SCML4: variants seen among roughly 807,000 people sequenced by gnomAD.
SCML4 encodes the protein Scm polycomb group protein like 4.
Under a neutral mutation model 41.1 loss-of-function variants are expected in SCML4, and 34 were observed. The observed-to-expected ratio is 0.83, with a 90% CI of 0.63 to 1.10. The LOEUF is 1.10. Ranked by LOEUF, SCML4 falls within the 50% of genes least tolerant of loss-of-function variation. The pLI is 0.00. For missense variants in SCML4, 522 were observed against 534.1 expected, an observed-to-expected ratio of 0.98 and a Z score of 0.22; for synonymous variants, 214 against 220.9, an observed-to-expected ratio of 0.97 and a Z score of 0.28.
chr6:107,746,137 C>T (rs1583471932), intron 4 of SCML4: 1 of 152,764 alleles, frequency 6.5e-6, no homozygotes, highest in East Asian at 1.9e-4. Flanking sequence ...GTCATCTCTG[C>T]TAGAACAGAG....
rs368845820 is a variant in SCML4, at chr6:107,704,008, G to C, written c.*1192C>G. 1.7e-3 allele frequency: 259 copies of C among 152,316 alleles called. No individual in the cohort carries two copies. Among genetic ancestry groups the C allele is most frequent in the African/African-American group, 5.7e-3 (235 of 41,562 alleles). The allele number at this position is 152,316 out of a possible 1,614,324, so 9.4% of individuals were successfully genotyped here. The stretch of plus-strand genomic sequence containing the variant: ...CTAATAAATTGTGGATTCATTGTCC[G>C]TCTCTGGACACAGCTGCAAAGGAGC... On this transcript the variant is annotated 3_prime_UTR_variant, in exon 8 of 8. Coordinates refer to ENST00000369020, the MANE Select transcript of SCML4 (RefSeq NM_198081.5).
Position 107,792,730 on chromosome 6 carries a change from C to CAAAA in SCML4, c.-59-20348_-59-20345dup, listed in dbSNP as rs529040468. 3.7e-4 allele frequency among the ~76,000 whole-genome samples: 47 copies of CAAAA among 125,618 alleles called. 1 individual carries two copies. The highest frequency in any genetic ancestry group is 1.3e-3 in the African/African-American group (45 of 35,508). The allele number at this position is 125,618 out of a possible 152,430, so 82.4% of individuals were successfully genotyped here. ...CTGGTGACAGGGAGAGACTCTGTCT[C>CAAAA]AAAAAAAAAAAAAGATAAAAAGGAT... On this transcript the variant is annotated intron_variant, in intron 1 of 7. Coordinates refer to ENST00000369020, the MANE Select transcript of SCML4 (RefSeq NM_198081.5).
At chr6:107,751,572 ATCT>A (rs1397888384) in intron 2 of SCML4, among the ~76,000 whole-genome samples, 1 of 87,670 alleles carries the variant, frequency 1.1e-5, no homozygotes, top group Non-Finnish European at 2.3e-5. Context: ...CATTTTAACA[ATCT>A]TTCTTTCTTT....
chr6:107,789,532 C>T (rs2114611007), intron 1 of SCML4, among the ~76,000 whole-genome samples: 1 of 152,330 alleles, frequency 6.6e-6, no homozygotes, highest in African/African-American at 2.4e-5. Context: ...TCGCAGTCTC[C>T]CAGAATCGAG....
chr6:107,727,431 T>A (rs949442714), intron 5 of SCML4, among the ~76,000 whole-genome samples: 3 of 152,232 alleles, frequency 2.0e-5, no homozygotes, highest in South Asian at 2.1e-4. Flanking sequence ...AGTTTTTTTT[T>A]AAAAGGCGTT....
At chr6:107,752,248 G>A (rs905527395) in intron 2 of SCML4, among the ~76,000 whole-genome samples, 1 of 151,878 alleles carries the variant, frequency 6.6e-6, no homozygotes, top group Non-Finnish European at 1.5e-5. Flanking sequence ...AGAGTGGAGG[G>A]GGCTAGAGAA....
At position 107,703,003 on chromosome 6, in the gene SCML4, G is replaced by T. The variant is rs1303829611; in HGVS notation, c.*2197C>A. 1.3e-5 allele frequency among the ~76,000 whole-genome samples: 2 copies of T among 152,174 alleles called. No homozygotes were observed. The highest frequency in any genetic ancestry group is 2.9e-5 in the Non-Finnish European group (2 of 68,014). ...CCAAAACCAAGATGGCAACGAGAGT[G>T]ACCTCTGGTTGTCCTCGCTGCTATA... On this transcript the variant is annotated 3_prime_UTR_variant, in exon 8 of 8. Coordinates refer to ENST00000369020, the MANE Select transcript of SCML4 (RefSeq NM_198081.5).
rs995184696 is a variant in SCML4, at chr6:107,745,107, C to T, written c.524G>A (p.Ser175Asn). Residue 175 changes from serine to asparagine, a missense_variant, in exon 5 of 8, where the codon AGC becomes AAC. Physicochemically the swap from Ser to Asn is conservative, Grantham distance 46. Transcript: ENST00000369020. Reference protein sequence around the residue: ...ASFDGKQHLRSLPVVNSIGYV... With the variant: ...ASFDGKQHLRNLPVVNSIGYV... Reference sequence around the variant, plus strand: ...GCCGATGCTGTTCACCACAGGCAGGCTCCGCAGGTGCTGTTTGCCATCAAA... The same window carrying T: ...GCCGATGCTGTTCACCACAGGCAGGTTCCGCAGGTGCTGTTTGCCATCAAA... 1.2e-6 allele frequency: 2 copies of T among 1,603,244 alleles called. No individual in the cohort carries two copies. The highest frequency in any genetic ancestry group is 1.7e-5 in the Admixed American group (1 of 58,228).
intron 1 of SCML4, among the ~76,000 whole-genome samples, chr6:107,812,846 C>G (rs1048493176): frequency 2.9e-4 from 43 of 149,482 alleles, no homozygotes; most frequent in African/African-American, 1.0e-3. Context: ...ATTTGACCAA[C>G]TCCTTATAGT....
intron 1 of SCML4, among the ~76,000 whole-genome samples, chr6:107,785,286 T>C (rs889642107): frequency 6.6e-6 from 1 of 152,238 alleles, no homozygotes; most frequent in Non-Finnish European, 1.5e-5. Flanking sequence ...ACCAACTCCC[T>C]GTGTCCCTTG....
At chr6:107,705,893 A>T (rs550299627) in intron 7 of SCML4, among the ~76,000 whole-genome samples, 1 of 152,320 alleles carries the variant, frequency 6.6e-6, no homozygotes, top group Non-Finnish European at 1.5e-5. Flanking sequence ...AGAACTACTA[A>T]GAGGATGAGC....
In SCML4 at chr6:107,708,031, G is replaced by T; in HGVS notation, c.974-20C>A. ...TTGAGGCTGGATGGGGCACAGAGAG[G>T]GAGACCATGAGCCAGTGGGACAGGG... On this transcript the variant is annotated intron_variant, in intron 6 of 7. Transcript: ENST00000369020. 6.5e-7 allele frequency: 1 copy of T among 1,548,472 alleles called. No homozygotes were observed. The highest frequency in any genetic ancestry group is 1.2e-5 in the South Asian group (1 of 84,026).
chr6:107,797,494 ACTT>A (rs1782795933), intron 1 of SCML4, among the ~76,000 whole-genome samples: 3 of 152,194 alleles, frequency 2.0e-5, no homozygotes, highest in African/African-American at 7.2e-5. Context: ...CTAGTAAACT[ACTT>A]CTAAGTGACC....
At chr6:107,752,980 C>G (rs35455490) in intron 2 of SCML4, among the ~76,000 whole-genome samples, 3,706 of 152,132 alleles carry the variant, frequency 0.024, 153 homozygotes, top group African/African-American at 0.086. Flanking sequence ...GCATTAGGAT[C>G]AGTAAGTAAA....
the SCML4 span, among the ~76,000 whole-genome samples, chr6:107,842,876 G>A: frequency 3.3e-5 from 5 of 152,026 alleles, no homozygotes; most frequent in East Asian, 1.9e-4. Context: ...AGAGTTGACC[G>A]TTTTCTTATT....
At chr6:107,796,855 G>A (rs905236290) in intron 1 of SCML4, among the ~76,000 whole-genome samples, 2 of 152,080 alleles carry the variant, frequency 1.3e-5, no homozygotes, top group African/African-American at 2.4e-5. Context: ...TATTGTGTAT[G>A]ATGTGAGATA....
intron 6 of SCML4, among the ~76,000 whole-genome samples, chr6:107,714,788 CT>C (rs1774585974): frequency 6.6e-6 from 1 of 151,960 alleles, no homozygotes; most frequent in Admixed American, 6.6e-5. Flanking sequence ...AGTTGCTGTT[CT>C]TCTTATTATG....
the SCML4 span, among the ~76,000 whole-genome samples, chr6:107,841,100 A>G: frequency 6.6e-6 from 1 of 152,014 alleles, no homozygotes; most frequent in Non-Finnish European, 1.5e-5. Flanking sequence ...ATTGCATCAT[A>G]CAATATAAAA....
intron 1 of SCML4, among the ~76,000 whole-genome samples, chr6:107,819,347 G>A (rs1364474293): frequency 6.6e-6 from 1 of 152,194 alleles, no homozygotes; most frequent in African/African-American, 2.4e-5. Flanking sequence ...GATCAGCACA[G>A]GGAGAGGAAA....
Sources: allele counts gnomAD v4.1 joint callset (sites outside exome capture counted in the v4.1 genomes callset), GRCh38; gene constraint gnomAD v4.1.1; transcripts MANE v1.5; gene names NCBI Gene and HGNC (gene_info 2026-07-23, HGNC 2026-07-21).